IL34: variants seen among roughly 807,000 people sequenced by gnomAD.
The protein encoded by IL34 is interleukin-34.
In IL34, 17 loss-of-function variants were observed where a neutral mutation model predicts 25.3. The ratio of observed to expected loss-of-function variants is 0.67; its 90% CI spans 0.46 to 1.01. The LOEUF (loss-of-function observed/expected upper bound fraction) is 1.01, where lower values mean the gene tolerates loss of function less well. IL34 is among the 50% of genes least tolerant of loss of function. The pLI is 0.00. For synonymous variants in IL34, 174 were observed against 140.9 expected (o/e 1.23, Z -1.66); for missense variants, 368 against 312.9 (o/e 1.18, Z -1.33).
intron 1 of IL34, among the ~76,000 whole-genome samples, chr16:70,586,255 C>T (rs542186212): frequency 4.4e-4 from 67 of 152,302 alleles, no homozygotes; most frequent in African/African-American, 1.3e-3. Flanking sequence ...TTGCGAATAA[C>T]GCTTCTACAA....
intron 1 of IL34, among the ~76,000 whole-genome samples, chr16:70,632,173 T>A (rs959093706): frequency 1.1e-4 from 16 of 151,928 alleles, no homozygotes; most frequent in African/African-American, 3.6e-4. Flanking sequence ...TAGTTAATGC[T>A]TGAAAGTTCC....
chr16:70,624,887 C>T (rs181138593), intron 1 of IL34, among the ~76,000 whole-genome samples: 10 of 151,728 alleles, frequency 6.6e-5, no homozygotes, highest in South Asian at 2.1e-4. Flanking sequence ...GACTCAGTGA[C>T]GCTTGGGGTT....
chr16:70,610,362 C>CCGAG (rs2051073250), intron 1 of IL34, among the ~76,000 whole-genome samples: 1 of 152,154 alleles, frequency 6.6e-6, no homozygotes, highest in Non-Finnish European at 1.5e-5. Context: ...TCTGGGAGTG[C>CCGAG]CGAGTGTTCA....
intron 1 of IL34, among the ~76,000 whole-genome samples, chr16:70,621,817 A>T (rs1449370941): frequency 2.0e-5 from 3 of 152,004 alleles, no homozygotes; most frequent in Non-Finnish European, 4.4e-5. Context: ...TGGGGGTCGC[A>T]AGGTGCTCAG....
At chr16:70,590,873 CAG>C (rs1386453032) in intron 1 of IL34, among the ~76,000 whole-genome samples, 2 of 152,248 alleles carry the variant, frequency 1.3e-5, no homozygotes, top group African/African-American at 4.8e-5. Flanking sequence ...TTCCTGGGGT[CAG>C]GGGTGCCCTG....
At chr16:70,612,553 T>A (rs2051106362) in intron 1 of IL34, among the ~76,000 whole-genome samples, 1 of 152,220 alleles carries the variant, frequency 6.6e-6, no homozygotes, top group South Asian at 2.1e-4. Context: ...TGATTCACAC[T>A]AAAGTGTGAA....
In IL34 at chr16:70,654,567, G is replaced by T; in HGVS notation, c.58G>T (p.Gly20Trp). The T allele has an allele frequency of 6.2e-7, 1 of 1,613,260 alleles. No homozygotes were observed. Residue 20 changes from glycine (G) to tryptophan (W), a missense_variant, in exon 2 of 6, where the codon GGG becomes TGG. Gly to Trp is a radical substitution (Grantham distance 184). Coordinates refer to ENST00000288098, the MANE Select transcript of IL34 (RefSeq NM_001393494.1). ...YLGIFLGVAL[G>W]NEPLEMWPLT... ...TGGGATCTTCCTTGGCGTGGCCTTG[G>T]GGAATGAGCCTTTGGAGATGTGGCC...
intron 1 of IL34, among the ~76,000 whole-genome samples, chr16:70,580,410 A>C (rs1407854977): frequency 6.6e-6 from 1 of 152,218 alleles, no homozygotes; most frequent in African/African-American, 2.4e-5. Context: ...CTGCTCCACT[A>C]TATATTGCCG....
rs536777149 is a variant in IL34, at chr16:70,653,324, G to A, written c.29-1214G>A. Reference sequence around the variant, plus strand: ...CACTAGGAGTTTCAGACAAGCCTGGGCAACATAGCAAAACCCTGTCTCAAA... The same window carrying A: ...CACTAGGAGTTTCAGACAAGCCTGGACAACATAGCAAAACCCTGTCTCAAA... On this transcript the variant is annotated intron_variant, in intron 1 of 5. Coordinates refer to ENST00000288098, the MANE Select transcript of IL34 (RefSeq NM_001393494.1). Among the ~76,000 whole-genome samples the A allele has an allele frequency of 5.5e-4, 78 of 142,286 alleles. 1 individual carries two copies. The highest frequency in any genetic ancestry group is 3.1e-3 in the South Asian group (14 of 4,568). 93.3% of individuals were successfully genotyped at this position (142,286 alleles called of 152,430 possible). A position where few individuals can be genotyped will look rare whatever the true frequency, so the allele number is the denominator to read the frequency against.
intron 1 of IL34, among the ~76,000 whole-genome samples, chr16:70,609,622 G>A (rs947312479): frequency 1.3e-5 from 2 of 152,194 alleles, no homozygotes; most frequent in Non-Finnish European, 2.9e-5. Context: ...GGATCTCACA[G>A]GTGCCCAGAG....
intron 1 of IL34, among the ~76,000 whole-genome samples, chr16:70,630,769 C>T (rs13336931): frequency 0.2 from 29,639 of 151,758 alleles, 4,398 homozygotes; most frequent in African/African-American, 0.42. Context: ...GACGGGGTTT[C>T]GCCATGTTGC....
Position 70,659,677 on chromosome 16 carries a change from A to C in IL34, c.462A>C (p.Pro154=), listed in dbSNP as rs138898622. Residue 154 remains proline, a synonymous_variant, in exon 5 of 6, where the codon CCA becomes CCC. Coordinates refer to ENST00000288098, the MANE Select transcript of IL34 (RefSeq NM_001393494.1). ...SVLSLLNAPG[P]NLKLVRPKAL... ...TGTCCCTCTTGAATGCCCCAGGGCC[A>C]AACCTGAAGCTGGTGCGGCCCAAAG... 1.2e-6 allele frequency: 2 copies of C among 1,613,134 alleles called. No homozygotes were observed. Among genetic ancestry groups the C allele is most frequent in the Admixed American group, 3.3e-5 (2 of 59,972 alleles).
At chr16:70,604,429 A>C (rs2050966367) in intron 1 of IL34, among the ~76,000 whole-genome samples, 1 of 152,200 alleles carries the variant, frequency 6.6e-6, no homozygotes, top group South Asian at 2.1e-4. Context: ...GCCTGGAGTA[A>C]GGAAATGATT....
intron 1 of IL34, among the ~76,000 whole-genome samples, chr16:70,601,329 ACTC>A (rs1258876015): frequency 6.6e-6 from 1 of 151,526 alleles, no homozygotes; most frequent in East Asian, 1.9e-4. Flanking sequence ...CTGTTCTTGA[ACTC>A]CTGGCCTCAA....
At position 70,660,018 on chromosome 16, in the gene IL34, A is replaced by T; in HGVS notation, c.560A>T (p.Asn187Ile). 1 of 1,598,870 alleles carries T rather than the reference A, an allele frequency of 6.3e-7. No homozygotes were observed. Among genetic ancestry groups the T allele is most frequent in the South Asian group, 1.1e-5 (1 of 88,374 alleles). The change falls in exon 6 of 6, where the codon AAC (asparagine) becomes ATC (isoleucine). Residue 187 changes from asparagine (N) to isoleucine (I), a missense_variant. Transcript: ENST00000288098. ...GCAGGTAAACAAAGCTCCGTCCTAA[A>T]CTGGCAGGACTGTGAGGTGCCAAGT... is the stretch of plus-strand genomic sequence containing the variant. Reference protein sequence around the residue: ...CSCCKQSSVLNWQDCEVPSPQ... With the variant: ...CSCCKQSSVLIWQDCEVPSPQ...
At chr16:70,613,694 T>G (rs1431551308) in intron 1 of IL34, among the ~76,000 whole-genome samples, 27 of 151,486 alleles carry the variant, frequency 1.8e-4, no homozygotes, top group Non-Finnish European at 1.5e-5. Flanking sequence ...GCCAGCACAG[T>G]GAAACCCTAT....
chr16:70,636,336 C>T (rs1353315377), intron 1 of IL34, among the ~76,000 whole-genome samples: 1 of 151,970 alleles, frequency 6.6e-6, no homozygotes, highest in Non-Finnish European at 1.5e-5. Context: ...GTGCCAGGCC[C>T]AGGGTCTGTA....
At chr16:70,581,512 C>G (rs2050635951) in intron 1 of IL34, among the ~76,000 whole-genome samples, 1 of 151,656 alleles carries the variant, frequency 6.6e-6, no homozygotes, top group Non-Finnish European at 1.5e-5. Flanking sequence ...ATTTTTGAAG[C>G]TCAGCTCACG....
Position 70,656,941 on chromosome 16 carries a change from G to A in IL34, c.241-19G>A. On this transcript the variant is annotated intron_variant, in intron 3 of 5. Coordinates refer to ENST00000288098, the MANE Select transcript of IL34 (RefSeq NM_001393494.1). Reference sequence around the variant, plus strand: ...AGGCCCATGTCTCCCGAGTTGCAGTGACTTCCCTGTTTCCGCAGCAGAGGG... The same window carrying A: ...AGGCCCATGTCTCCCGAGTTGCAGTAACTTCCCTGTTTCCGCAGCAGAGGG... 1.3e-6 allele frequency: 2 copies of A among 1,596,786 alleles called. No individual in the cohort carries two copies.
Sources: allele counts gnomAD v4.1 joint callset (sites outside exome capture counted in the v4.1 genomes callset), GRCh38; gene constraint gnomAD v4.1.1; transcripts MANE v1.5; gene names NCBI Gene and HGNC (gene_info 2026-07-23, HGNC 2026-07-21).